The following RALGDS variants were observed in gnomAD, a reference collection of about 807,000 sequenced individuals.
RALGDS encodes the protein ral guanine nucleotide dissociation stimulator.
In RALGDS, 44 loss-of-function variants were observed where a neutral mutation model predicts 99.8. The ratio of observed to expected loss-of-function variants is 0.44; its 90% CI spans 0.35 to 0.57. The LOEUF (loss-of-function observed/expected upper bound fraction) is 0.57, where lower values mean the gene tolerates loss of function less well. Among genes scored for constraint, RALGDS ranks in the 20% least tolerant of loss-of-function variants. The pLI is 0.01. For missense variants in RALGDS, 1,022 were observed against 1,203.1 expected, an observed-to-expected ratio of 0.85 and a Z score of 2.23; for synonymous variants, 529 against 505.0, an observed-to-expected ratio of 1.05 and a Z score of -0.64.
intron 17 of RALGDS, chr9:133,099,240 C>T (rs1830633214): frequency 5.8e-6 from 1 of 171,722 alleles, no homozygotes; most frequent in Admixed American, 5.6e-5. Context: ...CTCCATTTCC[C>T]ACCATCTCCT....
At chr9:133,100,058 T>C (rs1830681440) in intron 17 of RALGDS, 2 of 628,782 alleles carry the variant, frequency 3.2e-6, no homozygotes, top group Admixed American at 2.7e-5. Flanking sequence ...TTGAACTGCC[T>C]GTTCACGCCT....
chr9:133,129,544 C>T (rs898333535), intron 1 of RALGDS: 4 of 998,954 alleles, frequency 4.0e-6, no homozygotes, highest in African/African-American at 3.4e-5. Flanking sequence ...GCTAGCCTAG[C>T]TTTCTCCCTT....
intron 12 of RALGDS, 147 bp downstream of exon 12, chr9:133,103,083 C>A: frequency 3.7e-6 from 5 of 1,350,392 alleles, no homozygotes; most frequent in Non-Finnish European, 5.2e-6. Flanking sequence ...CCTACCCTCA[C>A]CCTCCAGTGG....
rs145748077 is a variant in RALGDS, at chr9:133,107,135, T to C, written c.1363A>G (p.Lys455Glu). 17 of 1,613,664 alleles carry C rather than the reference T, an allele frequency of 1.1e-5. No homozygotes were observed. Among genetic ancestry groups the C allele is most frequent in the Middle Eastern group, 1.6e-4 (1 of 6,084 alleles). Residue 455 changes from lysine to glutamate, a missense_variant, in exon 7 of 18, where the codon AAA (lysine) becomes GAA (glutamate). Physicochemically the swap from Lys to Glu is moderately conservative, Grantham distance 56. Around this residue, in one of 3 missense-constraint regions of RALGDS, gnomAD observed 825 missense variants for 994.5 expected, o/e 0.83. Transcript: ENST00000372050. Reference sequence around the variant, plus strand: ...ACCACCCTGGCCCTGTCTGGGGCTTTCGTGCTTCGGTTCCCGAGGCAGGTG... The same window carrying C: ...ACCACCCTGGCCCTGTCTGGGGCTTCCGTGCTTCGGTTCCCGAGGCAGGTG... ...ITTCLGNRST[K>E]APDRARVVEH...
upstream of RALGDS, among the ~76,000 whole-genome samples, chr9:133,132,049 GA>G (rs1265986474): frequency 6.6e-6 from 1 of 152,226 alleles, no homozygotes; most frequent in African/African-American, 2.4e-5. Flanking sequence ...CCTGTGCCAG[GA>G]GTGCCATAGC....
rs751683778 is a variant in RALGDS, at chr9:133,103,272, G to A, written c.1759-10C>T. 1 of 1,613,936 alleles carries A rather than the reference G, an allele frequency of 6.2e-7. No individual in the cohort carries two copies. The highest frequency in any genetic ancestry group is 8.5e-7 in the Non-Finnish European group (1 of 1,180,006). On this transcript the variant is annotated splice_polypyrimidine_tract_variant and intron_variant, in intron 11 of 17. Coordinates refer to ENST00000372050, the MANE Select transcript of RALGDS (RefSeq NM_006266.4). ...AGTTGATGAGTCTGCCCTGGAAGGT[G>A]GACACCCAATGGCCGTCAGAAAGTG... is the stretch of plus-strand genomic sequence containing the variant.
In RALGDS at chr9:133,097,881, C is replaced by T. The variant is rs745613823; in HGVS notation, c.*706G>A. ...CCACCCCCACCCCAAATCCTCCTTC[C>T]TCACTAACCCCCGTCTTGCATGGTC... is the stretch of plus-strand genomic sequence containing the variant. On this transcript the variant is annotated 3_prime_UTR_variant, in exon 18 of 18. Coordinates refer to ENST00000372050, the MANE Select transcript of RALGDS (RefSeq NM_006266.4). The T allele has an allele frequency of 8.8e-6, 2 of 227,826 alleles. No homozygotes were observed. Among genetic ancestry groups the T allele is most frequent in the Non-Finnish European group, 1.7e-5 (2 of 114,646 alleles). 14.1% of individuals were successfully genotyped at this position (227,826 alleles called of 1,614,324 possible). A position where few individuals can be genotyped will look rare whatever the true frequency, so the allele number is the denominator to read the frequency against.
At chr9:133,128,004 G>A (rs972716880) in intron 1 of RALGDS, among the ~76,000 whole-genome samples, 1 of 152,210 alleles carries the variant, frequency 6.6e-6, no homozygotes, top group Admixed American at 6.5e-5. Context: ...CCTTGGAAAT[G>A]GGTACACCCC....
chr9:133,113,365 C>T (rs898596281), intron 1 of RALGDS, among the ~76,000 whole-genome samples: 1 of 152,174 alleles, frequency 6.6e-6, no homozygotes, highest in Non-Finnish European at 1.5e-5. Flanking sequence ...GCCTCCTGCG[C>T]ACCCTCAGAG....
chr9:133,104,806 C>G (rs915066424), intron 9 of RALGDS, among the ~76,000 whole-genome samples: 2 of 152,130 alleles, frequency 1.3e-5, no homozygotes, highest in Admixed American at 6.5e-5. Flanking sequence ...AGCGAGACTC[C>G]TTCTCTAAAC....
At position 133,102,528 on chromosome 9, in the gene RALGDS, T is replaced by C. The variant is rs1830807187; in HGVS notation, c.1957A>G (p.Ser653Gly). ...TTCTTCTTGGTCCTGAGGGTGTTGC[T>C]GGCTGACTCGGATGGGGGCTCCAGC... ...CELEPPSESA[S>G]NTLRTKKNTA... is the part of the protein sequence containing the mutation. Residue 653 changes from serine (S) to glycine (G), a missense_variant, in exon 14 of 18, where the codon AGC (serine) becomes GGC (glycine). Ser to Gly is a moderately conservative substitution (Grantham distance 56). Transcript: ENST00000372050. The C allele has an allele frequency of 6.2e-7, 1 of 1,614,152 alleles. No homozygotes were observed. Among genetic ancestry groups the C allele is most frequent in the African/African-American group, 1.3e-5 (1 of 75,076 alleles).
At chr9:133,145,281 G>A (rs1358907924) in intron 1 of RALGDS, among the ~76,000 whole-genome samples, 2 of 151,984 alleles carry the variant, frequency 1.3e-5, no homozygotes, top group Non-Finnish European at 2.9e-5. Flanking sequence ...AATCAACCAC[G>A]ACCACAGGAC....
chr9:133,100,691 C>G (rs1830714679), intron 16 of RALGDS: 1 of 1,259,750 alleles, frequency 7.9e-7, no homozygotes, highest in Non-Finnish European at 1.0e-6. Flanking sequence ...ACTTGCCCCT[C>G]CAGGATAACA....
rs374347762 is a variant in RALGDS at position 133,100,243 on chromosome 9, A to T, written c.2569+25T>A. 865 of 1,606,682 alleles carry T rather than the reference A, an allele frequency of 5.4e-4. 9 individuals carry two copies. The South Asian group carries it at 8.8e-3, about 16-fold the overall frequency. ...GTGGTGTGGACCTGCCCCCTCTGCC[A>T]TCGCCCTCTGGTCTTCTGACTTACT... On this transcript the variant is annotated intron_variant, in intron 17 of 17. Coordinates refer to ENST00000372050, the MANE Select transcript of RALGDS (RefSeq NM_006266.4).
At chr9:133,145,086 C>A (rs956104196) in intron 1 of RALGDS, among the ~76,000 whole-genome samples, 1 of 152,224 alleles carries the variant, frequency 6.6e-6, no homozygotes, top group Non-Finnish European at 1.5e-5. Context: ...CTCCTAGAAC[C>A]TTCAGAGACA....
chr9:133,101,620 G>C lies in RALGDS; in HGVS notation c.2354C>G (p.Ser785Cys), dbSNP rs556933872. The change falls in exon 16 of 18, where the codon TCC becomes TGC. Residue 785 changes from serine (S) to cysteine (C), a missense_variant. By Grantham distance (112) the Ser-to-Cys change is moderately radical. Coordinates refer to ENST00000372050, the MANE Select transcript of RALGDS (RefSeq NM_006266.4). ...GTTGTAGAGCGGCAGCGCGGAGCTG[G>C]AGTTGCAGAGCCCTGAGACAGAGCG... ...HKRSVSGLCN[S>C]SSALPLYNQQ... is the part of the protein sequence containing the mutation. 6.2e-7 allele frequency: 1 copy of C among 1,613,552 alleles called. No individual in the cohort carries two copies. The highest frequency in any genetic ancestry group is 2.2e-5 in the East Asian group (1 of 44,888).
intron 8 of RALGDS, 49 bp downstream of exon 8, chr9:133,106,596 C>G: frequency 2.1e-6 from 3 of 1,410,118 alleles, no homozygotes; most frequent in Non-Finnish European, 3.0e-6. Flanking sequence ...GATGCCAGCC[C>G]TGTGGGAGGT....
At position 133,103,795 on chromosome 9, in the gene RALGDS, G is replaced by T; in HGVS notation, c.1710C>A (p.Phe570Leu). 1.2e-6 allele frequency: 2 copies of T among 1,613,430 alleles called. No individual in the cohort carries two copies. Among genetic ancestry groups the T allele is most frequent in the Non-Finnish European group, 1.7e-6 (2 of 1,179,950 alleles). Residue 570 changes from phenylalanine (F) to leucine (L), a missense_variant, in exon 11 of 18, where the codon TTC becomes TTA. Physicochemically the swap from Phe to Leu is conservative, Grantham distance 22 (BLOSUM62 0). Transcript: ENST00000372050. ...TGTCCAGCATCACCAGGTCGGTGAG[G>T]AACGTGCCCAGGTAGGGAACGGTGC... is the stretch of plus-strand genomic sequence containing the variant. ...IQGTVPYLGT[F>L]LTDLVMLDTA...
upstream of RALGDS, among the ~76,000 whole-genome samples, chr9:133,133,390 G>T (rs957867823): frequency 1.3e-5 from 2 of 152,196 alleles, no homozygotes; most frequent in Non-Finnish European, 2.9e-5. Context: ...GAGCAGCAGG[G>T]CCATGCACCC....
Sources: gnomAD v4.1 joint callset for allele counts (sites outside exome capture counted in the v4.1 genomes callset) on GRCh38, gnomAD v4.1.1 for gene constraint, gnomAD v4.1.1 regional missense constraint, MANE v1.5 for transcripts, NCBI Gene and HGNC (gene_info 2026-07-23, HGNC 2026-07-21) for gene names.